UCHL3: variants seen among roughly 807,000 people sequenced by gnomAD.
UCHL3 encodes the protein ubiquitin carboxyl-terminal hydrolase isozyme L3.
A neutral mutation model predicts 35.8 loss-of-function variants in UCHL3; 22 were observed. That is an observed-to-expected ratio of 0.61 (90% CI 0.44 to 0.88). UCHL3 has a LOEUF of 0.88. UCHL3 is among the 40% of genes least tolerant of loss of function. UCHL3 has a pLI of 0.00. For missense variants in UCHL3, 229 were observed against 276.9 expected (o/e 0.83, Z 1.23); for synonymous variants, 90 against 92.8 (o/e 0.97, Z 0.17).
intron 6 of UCHL3, among the ~76,000 whole-genome samples, chr13:75,592,429 T>C (rs1389904565): frequency 7.0e-5 from 6 of 85,530 alleles, no homozygotes; most frequent in Non-Finnish European, 9.5e-5. Flanking sequence ...TATATATATA[T>C]ATATATATAT....
chr13:75,600,626 A>G (rs190990792), intron 7 of UCHL3, among the ~76,000 whole-genome samples: 1 of 152,232 alleles, frequency 6.6e-6, no homozygotes, highest in Non-Finnish European at 1.5e-5. Flanking sequence ...TACTGCTCAG[A>G]AAAAGATTCC....
chr13:75,559,704 G>A (rs1199412129), intron 2 of UCHL3, among the ~76,000 whole-genome samples: 1 of 152,010 alleles, frequency 6.6e-6, no homozygotes, highest in African/African-American at 2.4e-5. Flanking sequence ...CACCTTTTTT[G>A]TTTGTTTTTA....
At chr13:75,573,318 C>T (rs373612651) in intron 6 of UCHL3, among the ~76,000 whole-genome samples, 56 of 150,660 alleles carry the variant, frequency 3.7e-4, no homozygotes, top group African/African-American at 1.3e-3. Context: ...TAAGAGTGTT[C>T]GGTGTATTAT....
intron 3 of UCHL3, among the ~76,000 whole-genome samples, chr13:75,562,063 T>C (rs999798685): frequency 6.6e-6 from 1 of 152,036 alleles, no homozygotes; most frequent in African/African-American, 2.4e-5. Flanking sequence ...GAGAGAAATA[T>C]GTTGATGATT....
intron 4 of UCHL3, 106 bp downstream of exon 4, chr13:75,566,957 A>G (rs1194392029): frequency 1.6e-6 from 2 of 1,260,778 alleles, no homozygotes; most frequent in South Asian, 1.6e-5. Flanking sequence ...AAAATAAAGC[A>G]TTCCCTGCTT....
At chr13:75,570,957 A>C (rs1431215674) in intron 6 of UCHL3, among the ~76,000 whole-genome samples, 3 of 152,298 alleles carry the variant, frequency 2.0e-5, no homozygotes, top group Middle Eastern at 3.4e-3. Context: ...CTGCTTTCAA[A>C]GGTGTGGATT....
chr13:75,552,355 C>A (rs1326862242), intron 2 of UCHL3, among the ~76,000 whole-genome samples: 3 of 152,168 alleles, frequency 2.0e-5, no homozygotes, highest in African/African-American at 7.2e-5. Context: ...TCTTTTATTT[C>A]CTCAACCTAA....
chr13:75,578,788 G>T (rs2032099122), intron 6 of UCHL3, among the ~76,000 whole-genome samples: 1 of 152,010 alleles, frequency 6.6e-6, no homozygotes, highest in Admixed American at 6.6e-5. Flanking sequence ...GACCACTGGG[G>T]TAAACAGTGC....
intron 6 of UCHL3, among the ~76,000 whole-genome samples, chr13:75,591,772 A>G (rs1329318382): frequency 6.6e-6 from 1 of 152,146 alleles, no homozygotes; most frequent in African/African-American, 2.4e-5. Flanking sequence ...TAAGATGGGT[A>G]TAATTATATT....
intron 6 of UCHL3, among the ~76,000 whole-genome samples, chr13:75,578,469 C>G (rs2032088610): frequency 6.6e-6 from 1 of 152,106 alleles, no homozygotes; most frequent in Admixed American, 6.5e-5. Context: ...TGAGCACCTA[C>G]TGTACTAGGC....
intron 7 of UCHL3, among the ~76,000 whole-genome samples, chr13:75,600,379 G>C (rs767591550): frequency 1.3e-5 from 2 of 152,192 alleles, no homozygotes; most frequent in Non-Finnish European, 2.9e-5. Context: ...TAGCTAGAGA[G>C]GAGATGTCAA....
chr13:75,585,488 A>G (rs1210697290), intron 6 of UCHL3, among the ~76,000 whole-genome samples: 1 of 152,160 alleles, frequency 6.6e-6, no homozygotes, highest in East Asian at 1.9e-4. Flanking sequence ...AGCTCATACC[A>G]GCTTACTTAC....
chr13:75,569,236 T>C, intron 5 of UCHL3: 1 of 377,838 alleles, frequency 2.6e-6, no homozygotes. Context: ...TAATCAGATA[T>C]TCAATTTCCT....
chr13:75,593,485 T>C (rs2032565862), intron 6 of UCHL3, among the ~76,000 whole-genome samples: 1 of 152,190 alleles, frequency 6.6e-6, no homozygotes, highest in Admixed American at 6.5e-5. Flanking sequence ...AGCCTCAGTA[T>C]GAGGGAAAAT....
At chr13:75,554,213 C>G (rs905921239) in intron 2 of UCHL3, among the ~76,000 whole-genome samples, 1 of 152,136 alleles carries the variant, frequency 6.6e-6, no homozygotes, top group Non-Finnish European at 1.5e-5. Flanking sequence ...AAGCTTGCAC[C>G]ATCACACCCG....
chr13:75,586,790 G>A (rs2032334332), intron 6 of UCHL3, among the ~76,000 whole-genome samples: 1 of 151,626 alleles, frequency 6.6e-6, no homozygotes, highest in African/African-American at 2.4e-5. Flanking sequence ...GATCAAAGAG[G>A]AATCACAAGA....
At chr13:75,562,837 TGTAA>T (rs2031560189) in intron 3 of UCHL3, among the ~76,000 whole-genome samples, 2 of 152,194 alleles carry the variant, frequency 1.3e-5, no homozygotes, top group Non-Finnish European at 2.9e-5. Context: ...TAGAAAATGA[TGTAA>T]GTAAATATAT....
chr13:75,601,670 T>G (rs748671093), intron 7 of UCHL3, among the ~76,000 whole-genome samples: 37 of 152,140 alleles, frequency 2.4e-4, no homozygotes, highest in Non-Finnish European at 5.1e-4. Flanking sequence ...ACAAAAAAAT[T>G]TGTGACTCAT....
chr13:75,581,436 A>C (rs773518568), intron 6 of UCHL3, among the ~76,000 whole-genome samples: 9 of 146,252 alleles, frequency 6.2e-5, no homozygotes, highest in Non-Finnish European at 1.2e-4. Context: ...TGTAGCCTTG[A>C]TCTCCTGGGC....
Sources: gnomAD v4.1 joint callset for allele counts (sites outside exome capture counted in the v4.1 genomes callset) on GRCh38, gnomAD v4.1.1 for gene constraint, MANE v1.5 for transcripts, NCBI Gene and HGNC (gene_info 2026-07-23, HGNC 2026-07-21) for gene names.